Variants in RANBP2 observed in about 807,000 individuals in gnomAD.
The protein encoded by RANBP2 is E3 SUMO-protein ligase RanBP2.
A neutral mutation model predicts 303.6 loss-of-function variants in RANBP2; 57 were observed. The observed-to-expected ratio is 0.19, with a 90% CI of 0.15 to 0.23. The LOEUF (loss-of-function observed/expected upper bound fraction) is 0.23, where lower values mean the gene tolerates loss of function less well. RANBP2 is among the 10% of genes least tolerant of loss of function. The pLI is 1.00. For synonymous variants in RANBP2, 1,167 were observed against 1,301.5 expected (o/e 0.90, Z 2.23); for missense variants, 3,138 against 3,780.8 (o/e 0.83, Z 4.46).
At chr2:108,763,197 G>C in intron 19 of RANBP2, 40 bp from the exon 20 acceptor site, 1 of 1,604,466 alleles carries the variant, frequency 6.2e-7, no homozygotes, top group East Asian at 2.2e-5. Flanking sequence ...CTGTAGTTTT[G>C]TAGACAATCT....
the RANBP2 span, among the ~76,000 whole-genome samples, chr2:109,286,548 G>T: frequency 6.6e-6 from 1 of 152,180 alleles, no homozygotes; most frequent in Admixed American, 6.5e-5. Flanking sequence ...AGAGCCAGGG[G>T]TTTGCTCCAG....
At chr2:109,295,139 C>T in the RANBP2 span, among the ~76,000 whole-genome samples, 3 of 152,208 alleles carry the variant, frequency 2.0e-5, no homozygotes, top group South Asian at 2.1e-4. Flanking sequence ...TGGTGTGGTA[C>T]GGAGCACCCA....
At chr2:109,574,475 A>T in the RANBP2 span, 1 of 669,748 alleles carries the variant, frequency 1.5e-6, no homozygotes, top group Non-Finnish European at 2.1e-6. Context: ...AATTTAAAAA[A>T]GATGCACAGG....
At chr2:108,867,635 G>C in the RANBP2 span, among the ~76,000 whole-genome samples, 1 of 151,690 alleles carries the variant, frequency 6.6e-6, no homozygotes, top group African/African-American at 2.4e-5. Flanking sequence ...GGGTGGACTT[G>C]AAAAAAAATA....
the RANBP2 span, among the ~76,000 whole-genome samples, chr2:108,857,327 C>G: frequency 1.3e-5 from 2 of 152,034 alleles, no homozygotes; most frequent in African/African-American, 4.8e-5. Flanking sequence ...CCTCGGCCTC[C>G]CAAAGCACTG....
chr2:108,891,795 G>GTTGGTGGT, the RANBP2 span, among the ~76,000 whole-genome samples: 3 of 152,150 alleles, frequency 2.0e-5, no homozygotes, highest in Non-Finnish European at 4.4e-5. Flanking sequence ...GTGCATTGAT[G>GTTGGTGGT]TTGGTGGTTG....
the RANBP2 span, among the ~76,000 whole-genome samples, chr2:109,633,374 C>A: frequency 6.6e-6 from 1 of 151,818 alleles, no homozygotes; most frequent in African/African-American, 2.4e-5. Context: ...GCCTGGGTGA[C>A]AGAATGAGAC....
At chr2:109,053,594 T>C in the RANBP2 span, among the ~76,000 whole-genome samples, 1 of 152,204 alleles carries the variant, frequency 6.6e-6, no homozygotes, top group African/African-American at 2.4e-5. Context: ...GGAGACTGGC[T>C]GGTGATGAGT....
chr2:109,648,652 C>CT, the RANBP2 span, among the ~76,000 whole-genome samples: 56,618 of 131,218 alleles, frequency 0.43, 12,731 homozygotes, highest in Admixed American at 0.52. Context: ...TGATTTACAT[C>CT]TTTTTTTTTT....
chr2:109,249,467 C>CTCTCTTTCTTTCTT, the RANBP2 span, among the ~76,000 whole-genome samples: 1 of 99,290 alleles, frequency 1.0e-5, no homozygotes, highest in Non-Finnish European at 2.0e-5. Context: ...TTCTCTCTTT[C>CTCTCTTTCTTTCTT]TCTTTCTTTC....
chr2:109,559,854 T>C, the RANBP2 span, among the ~76,000 whole-genome samples: 5 of 151,952 alleles, frequency 3.3e-5, no homozygotes, highest in South Asian at 1.0e-3. Flanking sequence ...TTTCTACCTG[T>C]TGCAGGCCTT....
chr2:109,508,277 C>CT, the RANBP2 span, among the ~76,000 whole-genome samples: 1 of 152,316 alleles, frequency 6.6e-6, no homozygotes. Flanking sequence ...CATGTATATA[C>CT]TGATTGATAG....
At chr2:109,337,941 C>T in the RANBP2 span, among the ~76,000 whole-genome samples, 65 of 152,066 alleles carry the variant, frequency 4.3e-4, no homozygotes, top group Non-Finnish European at 4.9e-4. Flanking sequence ...CACGTTACCC[C>T]GGCTGGTCTG....
chr2:108,748,248 C>T (rs1478544846), intron 8 of RANBP2, among the ~76,000 whole-genome samples: 4 of 151,512 alleles, frequency 2.6e-5, no homozygotes, highest in Non-Finnish European at 4.4e-5. Context: ...TACTCTGTCG[C>T]CCGGGCTGGA....
At chr2:109,085,031 A>T in the RANBP2 span, among the ~76,000 whole-genome samples, 48 of 152,302 alleles carry the variant, frequency 3.2e-4, no homozygotes, top group African/African-American at 1.1e-3. Context: ...TGCGGGGGAC[A>T]GAGAATCATC....
In RANBP2 at chr2:108,719,576, C is replaced by T. The variant is rs1573663240; in HGVS notation, c.-31C>T. The T allele has an allele frequency of 4.4e-6, 7 of 1,590,480 alleles. No homozygotes were observed. Among genetic ancestry groups the T allele is most frequent in the African/African-American group, 1.3e-5 (1 of 74,624 alleles). On this transcript the variant is annotated 5_prime_UTR_variant, in exon 1 of 29. Transcript: ENST00000283195. ...CTGCTGCGGGCCTGAGCGCTGGTCT[C>T]ACGCGCCTCGGGAGCCAGGTTGGCG...
Position 108,765,981 on chromosome 2 carries a change from T to G in RANBP2, c.5442T>G (p.Ile1814Met). The change falls in exon 20 of 29, where the codon ATT (isoleucine) becomes ATG (methionine). Residue 1814 changes from isoleucine to methionine, a missense_variant. Physicochemically the swap from Ile to Met is conservative, Grantham distance 10. Transcript: ENST00000283195. ...CDASKPTHKP[I>M]AEAPSAFTLG... ...CCTCTAAACCAACTCATAAACCTATTGCAGAAGCTCCTTCAGCTTTCACAC... is the reference window on the plus strand; with the variant it reads ...CCTCTAAACCAACTCATAAACCTATGGCAGAAGCTCCTTCAGCTTTCACAC... 6.2e-7 allele frequency: 1 copy of G among 1,614,160 alleles called. No individual in the cohort carries two copies. The highest frequency in any genetic ancestry group is 8.5e-7 in the Non-Finnish European group (1 of 1,179,990).
the RANBP2 span, among the ~76,000 whole-genome samples, chr2:108,920,706 G>C: frequency 2.0e-5 from 3 of 152,184 alleles, no homozygotes; most frequent in African/African-American, 7.2e-5. Flanking sequence ...AAACTGGAAT[G>C]ATTTTATTCC....
the RANBP2 span, among the ~76,000 whole-genome samples, chr2:109,132,651 T>A: frequency 6.6e-6 from 1 of 152,248 alleles, no homozygotes; most frequent in Non-Finnish European, 1.5e-5. Context: ...CTTCTTAAAG[T>A]GTGTTCATAT....
Sources: gnomAD v4.1 joint callset for allele counts (sites outside exome capture counted in the v4.1 genomes callset) on GRCh38, gnomAD v4.1.1 for gene constraint, MANE v1.5 for transcripts, NCBI Gene and HGNC (gene_info 2026-07-23, HGNC 2026-07-21) for gene names.